Variants in SNX4 observed in about 807,000 individuals in gnomAD.
The protein encoded by SNX4 is sorting nexin 4, also known as sorting nexin-4.
SNX4 carries 49 observed loss-of-function variants against 70.8 expected under a neutral mutation model. The ratio of observed to expected loss-of-function variants is 0.69; its 90% CI spans 0.55 to 0.88. The LOEUF (loss-of-function observed/expected upper bound fraction) is 0.88, where lower values mean the gene tolerates loss of function less well. SNX4 is among the 40% of genes least tolerant of loss of function. The pLI is 0.00. For missense variants in SNX4, 528 were observed against 544.8 expected (o/e 0.97, Z 0.31); for synonymous variants, 206 against 183.8 (o/e 1.12, Z -0.98).
At position 125,469,515 on chromosome 3, in the gene SNX4, A is replaced by C; in HGVS notation, c.793T>G (p.Trp265Gly). 6.2e-7 allele frequency: 1 copy of C among 1,609,466 alleles called. No individual in the cohort carries two copies. Among genetic ancestry groups the C allele is most frequent in the Non-Finnish European group, 8.5e-7 (1 of 1,175,788 alleles). ...CCCATTTCTTTTTCTATGGCACTCC[A>C]TTCACTAGGGAGTAAAAGATAAAAC... is the stretch of plus-strand genomic sequence containing the variant. ...HGNYGRVFSE[W>G]SAIEKEMGDG... is the part of the protein sequence containing the mutation. The change falls in exon 9 of 14, where the codon TGG (tryptophan) becomes GGG (glycine). Residue 265 changes from tryptophan (W) to glycine (G), a missense_variant. Trp to Gly is a radical substitution (Grantham distance 184). Around this residue, in one of 3 missense-constraint regions of SNX4, gnomAD observed 28 missense variants for 60.0 expected, o/e 0.47. Coordinates refer to ENST00000251775, the MANE Select transcript of SNX4 (RefSeq NM_003794.4).
chr3:125,458,835 AAAAAAAAAAAG>A (rs1933800519), intron 10 of SNX4, among the ~76,000 whole-genome samples: 3 of 114,248 alleles, frequency 2.6e-5, no homozygotes, highest in African/African-American at 3.8e-5. Flanking sequence ...AAAAAAAAAA[AAAAAAAAAAAG>A]AAAAGAAAAG....
intron 11 of SNX4, 37 bp downstream of exon 11, chr3:125,457,229 C>T: frequency 1.4e-6 from 2 of 1,411,354 alleles, no homozygotes; most frequent in Non-Finnish European, 2.0e-6. Context: ...TTCCGTGTTG[C>T]TACAGTATCA....
intron 5 of SNX4, 111 bp downstream of exon 5, chr3:125,497,230 A>G (rs560531878): frequency 1.6e-6 from 1 of 632,412 alleles, no homozygotes; most frequent in East Asian, 3.1e-5. Context: ...ATTTATTGTA[A>G]GACGATTTCC....
rs1396366108 is a variant in SNX4 at position 125,519,948 on chromosome 3, G to GGCCCGGCCCAGCTCAGCCCAGCCCA, written c.141+83_141+84insTGGGCTGGGCTGAGCTGGGCCGGGC. On this transcript the variant is annotated intron_variant, in intron 1 of 13. Transcript: ENST00000251775. The stretch of plus-strand genomic sequence containing the variant: ...TCGGCCGAGCCCACTGGCCCGGCCC[G>GGCCCGGCCCAGCTCAGCCCAGCCCA]GCCCAGCCCAGCCCAGCCCAGCCCA... 7.4e-5 allele frequency: 57 copies of GGCCCGGCCCAGCTCAGCCCAGCCCA among 775,296 alleles called. 2 individuals carry two copies. The highest frequency in any genetic ancestry group is 1.2e-4 in the South Asian group (5 of 40,736). The allele number at this position is 775,296 out of a possible 1,614,324, so 48.0% of individuals were successfully genotyped here. A position where few individuals can be genotyped will look rare whatever the true frequency, so the allele number is the denominator to read the frequency against.
chr3:125,452,633 T>G (rs1933603667), intron 12 of SNX4, among the ~76,000 whole-genome samples: 1 of 152,074 alleles, frequency 6.6e-6, no homozygotes, highest in Non-Finnish European at 1.5e-5. Flanking sequence ...GTATTTGTTT[T>G]TGGAGACAGA....
At position 125,520,057 on chromosome 3, in the gene SNX4, C is replaced by T; in HGVS notation, c.116G>A (p.Gly39Glu). Residue 39 changes from glycine (G) to glutamate (E), a missense_variant, in exon 1 of 14, where the codon GGA becomes GAA. Transcript: ENST00000251775. ...AAVGKEAEGA[G>E]EESSGVDTMT... Reference sequence around the variant, plus strand: ...CGTGTCGACCCCAGAGCTCTCTTCTCCGGCCCCCTCCGCTTCCTTGCCGAC... The same window carrying T: ...CGTGTCGACCCCAGAGCTCTCTTCTTCGGCCCCCTCCGCTTCCTTGCCGAC... 6.4e-7 allele frequency: 1 copy of T among 1,558,760 alleles called. No homozygotes were observed. Among genetic ancestry groups the T allele is most frequent in the Non-Finnish European group, 8.7e-7 (1 of 1,155,620 alleles).
intron 10 of SNX4, among the ~76,000 whole-genome samples, chr3:125,458,614 AG>A (rs1933787276): frequency 6.6e-6 from 1 of 150,448 alleles, no homozygotes; most frequent in African/African-American, 2.5e-5. Context: ...CAGGAGATTG[AG>A]ACCATCCTGG....
intron 10 of SNX4, among the ~76,000 whole-genome samples, chr3:125,460,314 C>A (rs542514663): frequency 6.6e-6 from 1 of 151,986 alleles, no homozygotes; most frequent in African/African-American, 2.4e-5. Flanking sequence ...TTCCTAGTCA[C>A]GTAGGACTAT....
At chr3:125,487,753 C>T (rs1934562962) in intron 6 of SNX4, among the ~76,000 whole-genome samples, 1 of 144,014 alleles carries the variant, frequency 6.9e-6, no homozygotes, top group Non-Finnish European at 1.5e-5. Flanking sequence ...TATGATGTGA[C>T]ATTCCAAAAA....
At chr3:125,451,623 A>G (rs1000520487) in intron 12 of SNX4, among the ~76,000 whole-genome samples, 1 of 151,840 alleles carries the variant, frequency 6.6e-6, no homozygotes, top group African/African-American at 2.4e-5. Context: ...GTACCTTTTA[A>G]TCTACTTTTT....
At chr3:125,489,381 G>A in intron 6 of SNX4, 27 bp downstream of exon 6, 1 of 1,571,032 alleles carries the variant, frequency 6.4e-7, no homozygotes, top group Non-Finnish European at 8.8e-7. Flanking sequence ...AAACAACATT[G>A]TAACTGTTAT....
At chr3:125,460,419 GAC>G (rs1933849547) in intron 10 of SNX4, among the ~76,000 whole-genome samples, 1 of 152,088 alleles carries the variant, frequency 6.6e-6, no homozygotes. Context: ...CTACTGATAA[GAC>G]ACACAGAATA....
Position 125,480,282 on chromosome 3 carries a change from G to A in SNX4, c.691C>T (p.Gln231Ter). 1 of 1,572,450 alleles carries A rather than the reference G, an allele frequency of 6.4e-7. No individual in the cohort carries two copies. The highest frequency in any genetic ancestry group is 8.6e-7 in the Non-Finnish European group (1 of 1,157,024). The change falls in exon 7 of 14, where the codon CAG becomes TAG. Residue 231 changes from glutamine (Q) to a stop codon, truncating the protein, a stop_gained. Coordinates refer to ENST00000251775, the MANE Select transcript of SNX4 (RefSeq NM_003794.4). LOFTEE classifies it high-confidence loss of function. ...CGAAGAAGATGTGAGATGACAGACT[G>A]CAGTTCATCACTATAGTGCTTAAGG... ...TDLKHYSDEL[Q>*]SVISHLLRVR...
chr3:125,509,752 C>CA (rs202049305), intron 1 of SNX4, among the ~76,000 whole-genome samples: 4,768 of 68,522 alleles, frequency 0.07, 396 homozygotes, highest in Non-Finnish European at 0.1. Flanking sequence ...GAATCTGTCT[C>CA]AAAAAAAAAA....
intron 5 of SNX4, among the ~76,000 whole-genome samples, chr3:125,490,429 C>T: frequency 6.9e-6 from 1 of 145,916 alleles, no homozygotes; most frequent in Admixed American, 7.2e-5. Context: ...GAGGCTGAGG[C>T]AGGAGAATGG....
At chr3:125,518,651 G>A (rs895828637) in intron 1 of SNX4, among the ~76,000 whole-genome samples, 5 of 152,070 alleles carry the variant, frequency 3.3e-5, no homozygotes, top group African/African-American at 4.8e-5. Context: ...AGGTGGGCAT[G>A]AGCCCAGGAG....
chr3:125,478,183 G>A (rs1177101121), intron 7 of SNX4, among the ~76,000 whole-genome samples: 1 of 151,766 alleles, frequency 6.6e-6, no homozygotes, highest in African/African-American at 2.4e-5. Flanking sequence ...GGGTTCAAGC[G>A]ATTATCCCAC....
At chr3:125,518,269 G>A (rs1244345937) in intron 1 of SNX4, among the ~76,000 whole-genome samples, 4 of 151,624 alleles carry the variant, frequency 2.6e-5, no homozygotes, top group Non-Finnish European at 4.4e-5. Flanking sequence ...GGCAAGTCTG[G>A]GCAACACAGA....
chr3:125,504,885 G>T (rs1935013711), intron 1 of SNX4, 141 bp from the exon 2 acceptor site: 1 of 886,144 alleles, frequency 1.1e-6, no homozygotes, highest in Non-Finnish European at 1.6e-6. Flanking sequence ...GTTGCCAGGG[G>T]TTGCAAAATG....
Sources: gnomAD v4.1 joint callset for allele counts (sites outside exome capture counted in the v4.1 genomes callset) on GRCh38, gnomAD v4.1.1 for gene constraint, gnomAD v4.1.1 regional missense constraint, MANE v1.5 for transcripts, NCBI Gene and HGNC (gene_info 2026-07-23, HGNC 2026-07-21) for gene names.